ABI3BP: variants seen among roughly 807,000 people sequenced by gnomAD.
The protein encoded by ABI3BP is target of Nesh-SH3.
A neutral mutation model predicts 268.6 loss-of-function variants in ABI3BP; 216 were observed. The ratio of observed to expected loss-of-function variants is 0.80; its 90% confidence interval spans 0.72 to 0.90. ABI3BP has a LOEUF of 0.90. ABI3BP is among the 40% of genes least tolerant of loss of function. The probability of loss-of-function intolerance (pLI) is 0.00; values close to 1 mark genes in which losing one functional copy is unlikely to be tolerated. For synonymous variants in ABI3BP, 730 were observed against 730.0 expected, an observed-to-expected ratio of 1.00 and a Z score of 0.00; for missense variants, 2,090 against 2,182.4, an observed-to-expected ratio of 0.96 and a Z score of 0.84.
rs528533488 is a variant in ABI3BP, at chr3:100,871,487, C to T, written c.910+3354G>A. Among the ~76,000 whole-genome samples, 10 of 152,158 alleles carry T rather than the reference C, an allele frequency of 6.6e-5. No homozygotes were observed. In the South Asian group the frequency reaches 8.3e-4, roughly 13 times the overall value. Reference sequence around the variant, plus strand: ...TCTCATCTTGAATTCCCACATGTTGCGGGAGGGGCCTGGTGGGAGGTGATT... The same window carrying T: ...TCTCATCTTGAATTCCCACATGTTGTGGGAGGGGCCTGGTGGGAGGTGATT... On this transcript the variant is annotated intron_variant, in intron 9 of 67. Coordinates refer to ENST00000471714, the MANE Select transcript of ABI3BP (RefSeq NM_001375547.2).
At chr3:100,894,119 G>T (rs2046042675) in intron 4 of ABI3BP, among the ~76,000 whole-genome samples, 1 of 152,060 alleles carries the variant, frequency 6.6e-6, no homozygotes, top group Non-Finnish European at 1.5e-5. Flanking sequence ...TGGACAAGGA[G>T]AAGACACAGA....
intron 2 of ABI3BP, among the ~76,000 whole-genome samples, chr3:100,918,274 A>ATCCACCCG (rs1460302276): frequency 1.3e-5 from 2 of 149,602 alleles, no homozygotes; most frequent in South Asian, 2.1e-4. Flanking sequence ...CCACCTATTC[A>ATCCACCCG]TCCACCCGTC....
intron 1 of ABI3BP, among the ~76,000 whole-genome samples, chr3:100,930,271 G>T (rs2713745): frequency 1 from 152,009 of 152,042 alleles, 75,988 homozygotes; most frequent in Middle Eastern, 1. Context: ...TTATTGCACC[G>T]TATATGAGGA....
At chr3:100,979,201 C>T (rs1471308019) in intron 1 of ABI3BP, among the ~76,000 whole-genome samples, 1 of 152,272 alleles carries the variant, frequency 6.6e-6, no homozygotes, top group East Asian at 1.9e-4. Flanking sequence ...CTTTGCTTCT[C>T]CATATACTGA....
intron 1 of ABI3BP, among the ~76,000 whole-genome samples, chr3:100,991,010 G>C (rs909736586): frequency 2.0e-5 from 3 of 152,152 alleles, no homozygotes; most frequent in Admixed American, 2.0e-4. Context: ...TTTATTTATT[G>C]TATAAATCTG....
chr3:100,827,658 T>A (rs1464296152), intron 34 of ABI3BP, among the ~76,000 whole-genome samples: 1 of 152,198 alleles, frequency 6.6e-6, no homozygotes, highest in Non-Finnish European at 1.5e-5. Context: ...ATTTTGCTCC[T>A]ACTATACTTT....
chr3:100,875,842 T>C (rs943121546), intron 7 of ABI3BP, among the ~76,000 whole-genome samples: 2 of 152,284 alleles, frequency 1.3e-5, no homozygotes, highest in South Asian at 4.1e-4. Flanking sequence ...TTCCTAACTC[T>C]ATTCCCTGAA....
At position 100,864,317 on chromosome 3, in the gene ABI3BP, G is replaced by T. The variant is rs886173240; in HGVS notation, c.1064-241C>A. On this transcript the variant is annotated intron_variant, in intron 11 of 67. Transcript: ENST00000471714. ...CAAATTACAGAACAAAACACATGCT[G>T]CTCCTTTTCTTCAGGGGAAAGAGAA... 6.0e-6 allele frequency: 3 copies of T among 496,570 alleles called. No homozygotes were observed. The South Asian group carries it at 1.0e-4, about 17-fold the overall frequency. The allele number at this position is 496,570 out of a possible 1,614,324, so 30.8% of individuals were successfully genotyped here. A position where few individuals can be genotyped will look rare whatever the true frequency, so the allele number is the denominator to read the frequency against.
At chr3:100,806,249 C>A (rs1252406529) in intron 50 of ABI3BP, among the ~76,000 whole-genome samples, 2 of 151,962 alleles carry the variant, frequency 1.3e-5, no homozygotes, top group Admixed American at 6.6e-5. Flanking sequence ...AAATTTGTTG[C>A]GCTTTAAGTT....
intron 52 of ABI3BP, 92 bp from the exon 53 acceptor site, chr3:100,795,943 T>A: frequency 2.3e-6 from 2 of 883,782 alleles, no homozygotes; most frequent in Non-Finnish European, 3.0e-6. Context: ...TGCATTGATT[T>A]AATAATTTAA....
chr3:100,864,915 G>T lies in ABI3BP; in HGVS notation c.989-8C>A. 1 of 1,595,510 alleles carries T rather than the reference G, an allele frequency of 6.3e-7. No individual in the cohort carries two copies. The highest frequency in any genetic ancestry group is 8.5e-7 in the Non-Finnish European group (1 of 1,170,542). ...GAACTGTTTCAGGAGTCACTGAAAG[G>T]TAAAAAGCACAACTTTACAAATTAA... On this transcript the variant is annotated splice_polypyrimidine_tract_variant and splice_region_variant and intron_variant, in intron 10 of 67. Transcript: ENST00000471714.
At chr3:100,991,939 C>G (rs1216276213) in intron 1 of ABI3BP, among the ~76,000 whole-genome samples, 1 of 152,218 alleles carries the variant, frequency 6.6e-6, no homozygotes, top group Non-Finnish European at 1.5e-5. Flanking sequence ...AAATAAAAGT[C>G]TTCTGTAGGT....
Position 100,751,460 on chromosome 3 carries a change from A to T in ABI3BP, c.5245+92T>A, listed in dbSNP as rs1049950939. ...ATATGTGGAGCAGTAGTACTATAGA[A>T]TTCTTTTTAAATTGCTTGCTTTCCT... On this transcript the variant is annotated intron_variant, in intron 67 of 67. Coordinates refer to ENST00000471714, the MANE Select transcript of ABI3BP (RefSeq NM_001375547.2). The T allele has an allele frequency of 7.4e-6, 10 of 1,346,284 alleles. No homozygotes were observed. In the African/African-American group the frequency reaches 1.5e-4, roughly 20 times the overall value. 83.4% of individuals were successfully genotyped at this position (1,346,284 alleles called of 1,614,324 possible).
At chr3:100,853,484 C>A (rs2098891420) in intron 14 of ABI3BP, among the ~76,000 whole-genome samples, 1 of 152,192 alleles carries the variant, frequency 6.6e-6, no homozygotes, top group East Asian at 1.9e-4. Context: ...TGTATTTAAT[C>A]CTCTCACACT....
chr3:100,764,676 C>A (rs1276275892), intron 63 of ABI3BP, among the ~76,000 whole-genome samples: 1 of 152,306 alleles, frequency 6.6e-6, no homozygotes, highest in East Asian at 1.9e-4. Flanking sequence ...TTCATAAGCA[C>A]AAATTCACCT....
chr3:100,818,446 A>G lies in ABI3BP; in HGVS notation c.3088+79T>C, dbSNP rs548753063. ...TGACAAAGAATGACAGGATGGTCTT[A>G]TGATGAAGAAGAAACTGACTACAGT... is the stretch of plus-strand genomic sequence containing the variant. On this transcript the variant is annotated intron_variant, in intron 41 of 67. Coordinates refer to ENST00000471714, the MANE Select transcript of ABI3BP (RefSeq NM_001375547.2). The G allele has an allele frequency of 2.8e-5, 33 of 1,184,580 alleles. No individual in the cohort carries two copies. The South Asian group carries it at 4.2e-4, about 15-fold the overall frequency. The allele number at this position is 1,184,580 out of a possible 1,614,324, so 73.4% of individuals were successfully genotyped here.
At chr3:100,928,595 G>A (rs924664955) in intron 1 of ABI3BP, among the ~76,000 whole-genome samples, 1 of 152,056 alleles carries the variant, frequency 6.6e-6, no homozygotes, top group Admixed American at 6.6e-5. Context: ...TACTTTCCAA[G>A]AACTTGATGA....
At chr3:100,907,696 C>T (rs959830713) in intron 2 of ABI3BP, among the ~76,000 whole-genome samples, 3 of 152,138 alleles carry the variant, frequency 2.0e-5, no homozygotes, top group Non-Finnish European at 4.4e-5. Context: ...ACAAACCAAA[C>T]TCATTCATAA....
At position 100,911,550 on chromosome 3, in the gene ABI3BP, A is replaced by G. The variant is rs534093055; in HGVS notation, c.260-8864T>C. ...CTTGTAATGAAGCATTACATATTTT[A>G]TCTTATGTACCTCCTTTACTGATCC... is the stretch of plus-strand genomic sequence containing the variant. On this transcript the variant is annotated intron_variant, in intron 2 of 67. Transcript: ENST00000471714. 110 of 594,454 alleles carry G rather than the reference A, an allele frequency of 1.9e-4. No individual in the cohort carries two copies. In the South Asian group the frequency reaches 2.0e-3, roughly 11 times the overall value. 36.8% of individuals were successfully genotyped at this position (594,454 alleles called of 1,614,324 possible).
Sources: allele counts gnomAD v4.1 joint callset (sites outside exome capture counted in the v4.1 genomes callset), GRCh38; gene constraint gnomAD v4.1.1; transcripts MANE v1.5; gene names NCBI Gene and HGNC (gene_info 2026-07-23, HGNC 2026-07-21).